The following LRRK1 variants were observed in gnomAD, a reference collection of about 807,000 sequenced individuals.
LRRK1 encodes the protein leucine rich repeat kinase 1.
Under a neutral mutation model 209.1 loss-of-function variants are expected in LRRK1, and 113 were observed. That is an observed-to-expected ratio of 0.54 (90% CI 0.46 to 0.63). The LOEUF is 0.63. LRRK1 is among the 30% of genes least tolerant of loss of function. The pLI, the probability that LRRK1 is intolerant of heterozygous loss-of-function variation, is 0.00. For missense variants in LRRK1, 2,284 were observed against 2,632.2 expected (o/e 0.87, Z 2.89); for synonymous variants, 1,144 against 1,099.7 (o/e 1.04, Z -0.80).
intron 2 of LRRK1, among the ~76,000 whole-genome samples, chr15:100,943,699 CTT>C (rs869130536): frequency 4.5e-5 from 6 of 134,802 alleles, no homozygotes; most frequent in Admixed American, 1.5e-4. Context: ...GTGATCGTAT[CTT>C]TTTTTTTTTT....
At position 101,075,479 on chromosome 15, in the gene LRRK1, C is replaced by T. The variant is rs1197703143; in HGVS notation, c.*6631C>T. 1.6e-5 allele frequency: 2 copies of T among 122,910 alleles called. No individual in the cohort carries two copies. The highest frequency in any genetic ancestry group is 3.2e-5 in the Non-Finnish European group (2 of 61,986). 7.6% of individuals were successfully genotyped at this position (122,910 alleles called of 1,614,324 possible). ...CCTCCTTGGTGACCGATCATGCACC[C>T]CTTACCATCTCATCGAAACCTAATC... On this transcript the variant is annotated 3_prime_UTR_variant, in exon 34 of 34. Coordinates refer to ENST00000388948, the MANE Select transcript of LRRK1 (RefSeq NM_024652.6).
In LRRK1 at chr15:101,027,243, G is replaced by A. The variant is rs546971923; in HGVS notation, c.2406-18G>A. On this transcript the variant is annotated intron_variant, in intron 17 of 33. Transcript: ENST00000388948. This position sits in a 1 kb window ranked among gnomAD's most constrained non-coding sequence, Gnocchi z 5.1. Reference sequence around the variant, plus strand: ...GGAGTGGGGCATGATGAGTAAAGACGGGTCTTTTTGCTCACAGTGAGATTT... The same window carrying A: ...GGAGTGGGGCATGATGAGTAAAGACAGGTCTTTTTGCTCACAGTGAGATTT... The A allele has an allele frequency of 1.1e-5, 17 of 1,613,682 alleles. No homozygotes were observed. The highest frequency in any genetic ancestry group is 2.7e-5 in the African/African-American group (2 of 74,918).
chr15:101,065,785 T>A lies in LRRK1; in HGVS notation c.5348T>A (p.Leu1783His). The change falls in exon 32 of 34, where the codon CTC (leucine) becomes CAC (histidine). Residue 1783 changes from leucine (L) to histidine (H), a missense_variant. Physicochemically the swap from Leu to His is moderately conservative, Grantham distance 99 (BLOSUM62 -3). Coordinates refer to ENST00000388948, the MANE Select transcript of LRRK1 (RefSeq NM_024652.6). Reference sequence around the variant, plus strand: ...TACTTCTGCGGGGTCCCCAGCCCCCTCAGGGACATGTTTCCCGTGCGGCCC... The same window carrying A: ...TACTTCTGCGGGGTCCCCAGCCCCCACAGGGACATGTTTCCCGTGCGGCCC... ...ARYFCGVPSP[L>H]RDMFPVRPLD... 3 of 1,614,092 alleles carry A rather than the reference T, an allele frequency of 1.9e-6. No individual in the cohort carries two copies. Among genetic ancestry groups the A allele is most frequent in the Non-Finnish European group, 2.5e-6 (3 of 1,180,010 alleles).
In LRRK1 at chr15:100,970,032, G is replaced by A. The variant is rs577690229; in HGVS notation, c.98-3772G>A. Among the ~76,000 whole-genome samples the A allele has an allele frequency of 6.6e-5, 10 of 152,152 alleles. No individual in the cohort carries two copies. In the East Asian group the frequency reaches 1.7e-3, roughly 26 times the overall value. On this transcript the variant is annotated intron_variant, in intron 2 of 33. Coordinates refer to ENST00000388948, the MANE Select transcript of LRRK1 (RefSeq NM_024652.6). Reference sequence around the variant, plus strand: ...GCCTTCATAATAGCTGAGATTACAGGTGCCCACCACCACGCTGGGCTAATT... The same window carrying A: ...GCCTTCATAATAGCTGAGATTACAGATGCCCACCACCACGCTGGGCTAATT...
At position 101,022,635 on chromosome 15, in the gene LRRK1, G is replaced by A; in HGVS notation, c.2067+38G>A. The A allele has an allele frequency of 7.0e-7, 1 of 1,426,620 alleles. No individual in the cohort carries two copies. The highest frequency in any genetic ancestry group is 9.6e-7 in the Non-Finnish European group (1 of 1,037,764). 88.4% of individuals were successfully genotyped at this position (1,426,620 alleles called of 1,614,324 possible). On this transcript the variant is annotated intron_variant, in intron 15 of 33. Transcript: ENST00000388948. The surrounding 1 kb of genome is among the most constrained non-coding windows in gnomAD (Gnocchi z 4.0). Reference sequence around the variant, plus strand: ...CTGCGTGCAGAGTCCCTGTGGGTGGGAGGAACATCCCTTGGACTCCTTCTC... The same window carrying A: ...CTGCGTGCAGAGTCCCTGTGGGTGGAAGGAACATCCCTTGGACTCCTTCTC...
intron 31 of LRRK1, among the ~76,000 whole-genome samples, chr15:101,063,810 TAAA>T (rs3835122): frequency 6.8e-5 from 10 of 146,736 alleles, no homozygotes; most frequent in African/African-American, 1.0e-4. Context: ...CAGTTTCATT[TAAA>T]AAAAAAAAAA....
intron 2 of LRRK1, among the ~76,000 whole-genome samples, chr15:100,973,243 A>G (rs2031050974): frequency 6.6e-6 from 1 of 152,212 alleles, no homozygotes; most frequent in Non-Finnish European, 1.5e-5. Flanking sequence ...GCTCTGGTGA[A>G]GCAGCGCGAC....
chr15:101,001,382 G>A (rs1040320359), intron 6 of LRRK1, among the ~76,000 whole-genome samples: 1 of 152,162 alleles, frequency 6.6e-6, no homozygotes, highest in Non-Finnish European at 1.5e-5. Context: ...GCCTTCAGAT[G>A]CCATTTCTGG....
intron 27 of LRRK1, among the ~76,000 whole-genome samples, chr15:101,055,462 A>C (rs2035743934): frequency 6.6e-6 from 1 of 152,112 alleles, no homozygotes; most frequent in Admixed American, 6.5e-5. Flanking sequence ...TCAGACCTTG[A>C]TTCAGTAACA....
chr15:100,986,692 T>C (rs1469957325), intron 4 of LRRK1, among the ~76,000 whole-genome samples: 1 of 152,226 alleles, frequency 6.6e-6, no homozygotes, highest in Non-Finnish European at 1.5e-5. Flanking sequence ...GTAATTAACA[T>C]TTATTGTTCC....
chr15:101,036,639 G>A (rs1225529486), intron 20 of LRRK1, among the ~76,000 whole-genome samples: 3 of 152,134 alleles, frequency 2.0e-5, no homozygotes, highest in Non-Finnish European at 2.9e-5. Flanking sequence ...TATGGCTGGA[G>A]AATTATTGTT....
At chr15:101,021,223 C>T in intron 13 of LRRK1, 41 bp downstream of exon 13, 1 of 1,609,308 alleles carries the variant, frequency 6.2e-7, no homozygotes. Flanking sequence ...CTCTGCTGGC[C>T]CAGAGAGGCA....
intron 3 of LRRK1, among the ~76,000 whole-genome samples, chr15:100,977,303 C>T (rs1267449810): frequency 6.6e-6 from 1 of 152,156 alleles, no homozygotes; most frequent in Non-Finnish European, 1.5e-5. Flanking sequence ...CGGCAAAACA[C>T]TGAAGAAATA....
intron 20 of LRRK1, among the ~76,000 whole-genome samples, chr15:101,045,173 C>T (rs1314931533): frequency 6.6e-6 from 1 of 152,232 alleles, no homozygotes; most frequent in African/African-American, 2.4e-5. Context: ...TTTAGGGAGT[C>T]TTTTCCAGAA....
In LRRK1 at chr15:101,053,329, G is replaced by A. The variant is rs765421226; in HGVS notation, c.3963G>A (p.Ala1321=). ...CGCTGCAGCACCCCTGCATCGTGGC[G>A]CTCATCGGCATCAGCATCCACCCGC... ...LHALQHPCIV[A]LIGISIHPLC... Residue 1321 remains alanine, a synonymous_variant, in exon 26 of 34, where the codon GCG becomes GCA. Coordinates refer to ENST00000388948, the MANE Select transcript of LRRK1 (RefSeq NM_024652.6). The A allele has an allele frequency of 4.4e-6, 7 of 1,604,410 alleles. No individual in the cohort carries two copies. The highest frequency in any genetic ancestry group is 4.2e-6 in the Non-Finnish European group (5 of 1,179,918).
intron 20 of LRRK1, among the ~76,000 whole-genome samples, chr15:101,040,639 T>A (rs2034706525): frequency 6.6e-6 from 1 of 152,358 alleles, no homozygotes; most frequent in Middle Eastern, 3.4e-3. Context: ...CTATTTTCTA[T>A]GTAAGCATTT....
rs199900396 is a variant in LRRK1, at chr15:101,021,881, G to A, written c.1776G>A (p.Gly592=). 4.6e-5 allele frequency: 74 copies of A among 1,614,028 alleles called. No homozygotes were observed. The African/African-American group carries it at 9.2e-4, about 20-fold the overall frequency. ...TCCGGGAGCTCCCTCCTGAGCTGGG[G>A]CAGCTGGGCAACCTCTGGCAGCTGG... ...PGLRELPPEL[G]QLGNLWQLDT... The change falls in exon 14 of 34, where the codon GGG becomes GGA. Residue 592 remains glycine, a synonymous_variant. Coordinates refer to ENST00000388948, the MANE Select transcript of LRRK1 (RefSeq NM_024652.6).
chr15:101,031,859 A>G (rs1040152989), intron 20 of LRRK1, among the ~76,000 whole-genome samples: 1 of 151,970 alleles, frequency 6.6e-6, no homozygotes, highest in African/African-American at 2.4e-5. Flanking sequence ...CTCAGCCTCC[A>G]AAGTAGCTGG....
rs183119264 is a variant in LRRK1 at position 101,059,504 on chromosome 15, C to G, written c.4679+1363C>G. 2.0e-5 allele frequency among the ~76,000 whole-genome samples: 3 copies of G among 152,294 alleles called. No homozygotes were observed. In the East Asian group the frequency reaches 5.8e-4, roughly 29 times the overall value. ...GCAAACATATTAATTAAACAGGTTT[C>G]AGTAATTATATTGTTGGCAGCACTG... On this transcript the variant is annotated intron_variant, in intron 29 of 33. Transcript: ENST00000388948.
Sources: allele counts gnomAD v4.1 joint callset (sites outside exome capture counted in the v4.1 genomes callset), GRCh38; gene constraint gnomAD v4.1.1; non-coding constraint Gnocchi (gnomAD v3.1); transcripts MANE v1.5; gene names NCBI Gene and HGNC (gene_info 2026-07-23, HGNC 2026-07-21).